Variants in ANGEL2 observed in about 807,000 individuals in gnomAD.
ANGEL2 encodes RNA 2',3'-cyclic phosphatase ANGEL2.
ANGEL2 carries 41 observed loss-of-function variants against 66.0 expected under a neutral mutation model. The observed-to-expected ratio is 0.62, with a 90% CI of 0.48 to 0.81. The LOEUF is 0.81. Ranked by LOEUF, ANGEL2 falls within the 30% of genes least tolerant of loss-of-function variation. The pLI, the probability that ANGEL2 is intolerant of heterozygous loss-of-function variation, is 0.00. For synonymous variants in ANGEL2, 208 were observed against 226.5 expected, an observed-to-expected ratio of 0.92 and a Z score of 0.73; for missense variants, 561 against 641.6, an observed-to-expected ratio of 0.87 and a Z score of 1.36.
At chr1:213,015,515 G>GCCCCC (rs1572166997) in intron 1 of ANGEL2, 98 bp downstream of exon 1, 8 of 1,245,798 alleles carry the variant, frequency 6.4e-6, no homozygotes, top group African/African-American at 4.9e-5. Context: ...TCCACCCCTA[G>GCCCCC]CCCGCCCCGC....
At chr1:213,015,389 A>G (rs1303439613) in intron 1 of ANGEL2, 16 of 1,414,348 alleles carry the variant, frequency 1.1e-5, no homozygotes, top group Non-Finnish European at 1.5e-5. Context: ...CCGCGCCAAG[A>G]CCCCAGACCT....
intron 1 of ANGEL2, chr1:213,015,232 G>C: frequency 3.7e-6 from 4 of 1,068,534 alleles, no homozygotes; most frequent in Non-Finnish European, 4.5e-6. Flanking sequence ...CTACTGCGGA[G>C]AGGCGGCCTC....
chr1:213,013,817 A>G (rs2076569593), intron 1 of ANGEL2, among the ~76,000 whole-genome samples: 1 of 152,250 alleles, frequency 6.6e-6, no homozygotes, highest in African/African-American at 2.4e-5. Context: ...AGGAACTCAT[A>G]TCACACTACA....
intron 5 of ANGEL2, among the ~76,000 whole-genome samples, chr1:213,003,427 T>G (rs1446812481): frequency 6.6e-6 from 1 of 152,212 alleles, no homozygotes; most frequent in Non-Finnish European, 1.5e-5. Flanking sequence ...AGCTTTTGAT[T>G]CAAAGTGAGA....
chr1:213,014,513 C>G (rs1434810640), intron 1 of ANGEL2, among the ~76,000 whole-genome samples: 1 of 152,236 alleles, frequency 6.6e-6, no homozygotes, highest in South Asian at 2.1e-4. Flanking sequence ...TGTGATAACT[C>G]TGAAAGCCAT....
chr1:213,011,424 G>A, intron 2 of ANGEL2: 1 of 1,126,612 alleles, frequency 8.9e-7, no homozygotes, highest in South Asian at 2.0e-5. Context: ...TCACAAATAT[G>A]GCTTAACGAA....
At chr1:213,015,401 G>T in intron 1 of ANGEL2, 3 of 1,423,862 alleles carry the variant, frequency 2.1e-6, no homozygotes, top group Non-Finnish European at 2.7e-6. Flanking sequence ...CCCAGACCTC[G>T]TTGGCCCAGC....
At chr1:213,008,518 C>A in intron 2 of ANGEL2, 52 bp from the exon 3 acceptor site, 1 of 1,554,908 alleles carries the variant, frequency 6.4e-7, no homozygotes. Flanking sequence ...GCAGACCATA[C>A]AGTTTCCCAC....
At chr1:212,997,360 A>T in intron 7 of ANGEL2, 42 bp from the exon 8 acceptor site, 1 of 1,538,018 alleles carries the variant, frequency 6.5e-7, no homozygotes. Flanking sequence ...GAGTTTTTGT[A>T]ACTTCAAGAA....
intron 5 of ANGEL2, among the ~76,000 whole-genome samples, chr1:213,003,320 T>A (rs1296641260): frequency 2.6e-5 from 4 of 152,240 alleles, no homozygotes; most frequent in African/African-American, 9.6e-5. Context: ...CAAGAACTTT[T>A]CCTTGCATTC....
At chr1:213,007,522 T>C (rs915175945) in intron 3 of ANGEL2, among the ~76,000 whole-genome samples, 2 of 152,234 alleles carry the variant, frequency 1.3e-5, no homozygotes, top group African/African-American at 4.8e-5. Context: ...TTTCAGGTCT[T>C]AAGAGGCAGA....
At chr1:212,995,487 A>C (rs188728198) in intron 8 of ANGEL2, among the ~76,000 whole-genome samples, 1 of 152,236 alleles carries the variant, frequency 6.6e-6, no homozygotes, top group Non-Finnish European at 1.5e-5. Flanking sequence ...TGACAACTAC[A>C]TAAGAAACTC....
At chr1:213,005,837 A>G (rs2076310032) in intron 4 of ANGEL2, among the ~76,000 whole-genome samples, 1 of 151,994 alleles carries the variant, frequency 6.6e-6, no homozygotes, top group Non-Finnish European at 1.5e-5. Flanking sequence ...TTGCCTTAAC[A>G]CACTCCAACC....
rs532135541 is a variant in ANGEL2, at chr1:212,996,737, A to C, written c.1483+418T>G. 1.5e-4 allele frequency among the ~76,000 whole-genome samples: 22 copies of C among 147,884 alleles called. No individual in the cohort carries two copies. The South Asian group carries it at 3.9e-3, about 26-fold the overall frequency. On this transcript the variant is annotated intron_variant, in intron 8 of 8. Coordinates refer to ENST00000366962, the MANE Select transcript of ANGEL2 (RefSeq NM_144567.5). Reference sequence around the variant, plus strand: ...TGACAGCATAAGCTGTGTTGCTGGCAGTGTAACTATGGTCCTCCAATGAAG... The same window carrying C: ...TGACAGCATAAGCTGTGTTGCTGGCCGTGTAACTATGGTCCTCCAATGAAG...
rs1379005610 is a variant in ANGEL2 at position 213,008,309 on chromosome 1, T to G, written c.543A>C (p.Glu181Asp). 1.2e-6 allele frequency: 2 copies of G among 1,614,088 alleles called. No individual in the cohort carries two copies. Among genetic ancestry groups the G allele is most frequent in the South Asian group, 1.1e-5 (1 of 91,090 alleles). Residue 181 changes from glutamate (E) to aspartate (D), a missense_variant, in exon 3 of 9, where the codon GAA (glutamate) becomes GAC (aspartate). Transcript: ENST00000366962. Reference protein sequence around the residue: ...SYNILSQDLLEDNSHLYRHCR... With the variant: ...SYNILSQDLLDDNSHLYRHCR... Reference sequence around the variant, plus strand: ...AATGTCTATAAAGGTGAGAGTTATCTTCCAGTAAATCTTGTGAAAGTATAT... The same window carrying G: ...AATGTCTATAAAGGTGAGAGTTATCGTCCAGTAAATCTTGTGAAAGTATAT...
Position 213,014,016 on chromosome 1 carries a change from A to G in ANGEL2, c.60-598T>C, listed in dbSNP as rs201373666. 3.3e-5 allele frequency among the ~76,000 whole-genome samples: 5 copies of G among 152,292 alleles called. No individual in the cohort carries two copies. In the East Asian group the frequency reaches 9.6e-4, roughly 29 times the overall value. On this transcript the variant is annotated intron_variant, in intron 1 of 8. Coordinates refer to ENST00000366962, the MANE Select transcript of ANGEL2 (RefSeq NM_144567.5). ...ATAATTTATTTCTCCATTCTTTTTT[A>G]AGCATGATTCTCGTTGGGGGAAATG... is the stretch of plus-strand genomic sequence containing the variant.
In ANGEL2 at chr1:213,015,676, G is replaced by T. The variant is rs2076626591; in HGVS notation, c.-5C>A. ...CACACAGCGCCAGGCTTCCATCTTC[G>T]CCCTCCGCGTGCGTCCAGTTCCCAG... On this transcript the variant is annotated 5_prime_UTR_variant, in exon 1 of 9. Coordinates refer to ENST00000366962, the MANE Select transcript of ANGEL2 (RefSeq NM_144567.5). The T allele has an allele frequency of 6.2e-7, 1 of 1,613,888 alleles. No homozygotes were observed. The highest frequency in any genetic ancestry group is 1.1e-5 in the South Asian group (1 of 91,066).
rs60445711 is a variant in ANGEL2 at position 213,004,865 on chromosome 1, CAAAAAAAAAAAA to C, written c.1134+156_1134+167del. Among the ~76,000 whole-genome samples the C allele has an allele frequency of 1.4e-4, 5 of 35,270 alleles. 1 individual carries two copies. Among genetic ancestry groups the C allele is most frequent in the African/African-American group, 5.0e-4 (4 of 8,040 alleles). 23.1% of individuals were successfully genotyped at this position (35,270 alleles called of 152,430 possible). A position where few individuals can be genotyped will look rare whatever the true frequency, so the allele number is the denominator to read the frequency against. ...CCTGGGCGACAGAGTGAGACTGTCT[CAAAAAAAAAAAA>C]AAAAAAAAAAAAAAAGTCATGGAAA... On this transcript the variant is annotated intron_variant, in intron 5 of 8. Transcript: ENST00000366962.
intron 4 of ANGEL2, 173 bp downstream of exon 4, chr1:213,006,956 T>C (rs749340439): frequency 1.4e-5 from 7 of 501,510 alleles, no homozygotes; most frequent in Middle Eastern, 5.1e-4. Flanking sequence ...TGGCCGGGCA[T>C]GGTGGCACAC....
Sources: allele counts gnomAD v4.1 joint callset (sites outside exome capture counted in the v4.1 genomes callset), GRCh38; gene constraint gnomAD v4.1.1; transcripts MANE v1.5; gene names NCBI Gene and HGNC (gene_info 2026-07-23, HGNC 2026-07-21).